The following GRIN2A variants were observed in gnomAD, a reference collection of about 807,000 sequenced individuals.
GRIN2A encodes the protein glutamate ionotropic receptor NMDA type subunit 2A.
In GRIN2A, 22 loss-of-function variants were observed where a neutral mutation model predicts 113.4. That is an observed-to-expected ratio of 0.19 (90% CI 0.14 to 0.28). The LOEUF is 0.28. GRIN2A is among the 10% of genes least tolerant of loss of function. GRIN2A has a pLI of 1.00. For synonymous variants in GRIN2A, 827 were observed against 738.4 expected (o/e 1.12, Z -1.94); for missense variants, 1,502 against 1,887.0 (o/e 0.80, Z 3.78).
intron 4 of GRIN2A, among the ~76,000 whole-genome samples, chr16:9,865,928 T>C (rs2043153522): frequency 6.6e-6 from 1 of 152,226 alleles, no homozygotes; most frequent in African/African-American, 2.4e-5. Context: ...TAAATAAAGC[T>C]TGATTGGAAC....
At chr16:9,840,855 C>T (rs911506207) in intron 6 of GRIN2A, 55 bp from the exon 7 acceptor site, 1 of 1,445,554 alleles carries the variant, frequency 6.9e-7, no homozygotes, top group Non-Finnish European at 9.7e-7. Context: ...AACAACAGTA[C>T]TTTACTTTTC....
rs879885951 is a variant in GRIN2A, at chr16:9,962,590, G to A, written c.415-24039C>T. Among the ~76,000 whole-genome samples, 35 of 151,898 alleles carry A rather than the reference G, an allele frequency of 2.3e-4. 1 individual carries two copies. Among genetic ancestry groups the A allele is most frequent in the Non-Finnish European group, 4.3e-4 (29 of 67,952 alleles). The stretch of plus-strand genomic sequence containing the variant: ...ACCATCTCACACCAGTTAGAATGGC[G>A]ATCATTAAAAAGTCAGGAAACAACA... On this transcript the variant is annotated intron_variant, in intron 2 of 12. Transcript: ENST00000330684.
At chr16:9,854,335 G>A (rs11864044) in intron 4 of GRIN2A, among the ~76,000 whole-genome samples, 514 of 150,852 alleles carry the variant, frequency 3.4e-3, no homozygotes, top group African/African-American at 0.011. Flanking sequence ...ATAGCCTTTG[G>A]GTATTAAATT....
intron 2 of GRIN2A, among the ~76,000 whole-genome samples, chr16:10,035,880 T>C (rs1263646447): frequency 1.3e-5 from 2 of 152,112 alleles, no homozygotes; most frequent in African/African-American, 4.8e-5. Flanking sequence ...CTTGCCACCA[T>C]GCCTGGCTAA....
chr16:10,076,543 A>G (rs1333646950), intron 2 of GRIN2A, among the ~76,000 whole-genome samples: 1 of 152,108 alleles, frequency 6.6e-6, no homozygotes, highest in Non-Finnish European at 1.5e-5. Context: ...CTCCTCATCT[A>G]AGAGATGAGT....
At chr16:9,931,738 C>T (rs1343745785) in intron 3 of GRIN2A, among the ~76,000 whole-genome samples, 4 of 152,138 alleles carry the variant, frequency 2.6e-5, no homozygotes, top group African/African-American at 4.8e-5. Flanking sequence ...TATATGCATG[C>T]AGAGAGAAAG....
At chr16:9,882,043 C>T (rs1387291273) in intron 4 of GRIN2A, among the ~76,000 whole-genome samples, 1 of 151,264 alleles carries the variant, frequency 6.6e-6, no homozygotes, top group African/African-American at 2.5e-5. Context: ...ATATCTCATA[C>T]ACACACACAA....
intron 2 of GRIN2A, among the ~76,000 whole-genome samples, chr16:10,106,557 T>C (rs1051686622): frequency 2.0e-5 from 3 of 152,128 alleles, no homozygotes; most frequent in African/African-American, 7.2e-5. Context: ...CCCTTGAAGA[T>C]AGGGAGCGTG....
chr16:10,120,490 T>G (rs1295917042), intron 2 of GRIN2A, among the ~76,000 whole-genome samples: 1 of 152,190 alleles, frequency 6.6e-6, no homozygotes, highest in African/African-American at 2.4e-5. Context: ...CCAGTGGCCC[T>G]TTTTCTTAGC....
chr16:9,991,952 C>T (rs933577785), intron 2 of GRIN2A, among the ~76,000 whole-genome samples: 5 of 152,028 alleles, frequency 3.3e-5, no homozygotes, highest in East Asian at 1.9e-4. Context: ...CTAATGCATG[C>T]GGGGCTTAAA....
chr16:10,035,339 C>T (rs548454745), intron 2 of GRIN2A, among the ~76,000 whole-genome samples: 5 of 152,268 alleles, frequency 3.3e-5, no homozygotes, highest in African/African-American at 9.6e-5. Flanking sequence ...CCTCACTGCC[C>T]ACCATGTGTC....
At chr16:10,122,344 A>G (rs1175522580) in intron 2 of GRIN2A, among the ~76,000 whole-genome samples, 1 of 152,138 alleles carries the variant, frequency 6.6e-6, no homozygotes, top group Non-Finnish European at 1.5e-5. Flanking sequence ...AATCCAAGTG[A>G]ACTCTCTTTC....
At chr16:10,107,095 G>A (rs759954037) in intron 2 of GRIN2A, among the ~76,000 whole-genome samples, 2 of 152,076 alleles carry the variant, frequency 1.3e-5, no homozygotes, top group African/African-American at 2.4e-5. Context: ...TGAAATGGAG[G>A]GCTAGGATGA....
chr16:9,893,912 G>A (rs8060167), intron 3 of GRIN2A, among the ~76,000 whole-genome samples: 148 of 152,324 alleles, frequency 9.7e-4, no homozygotes, highest in African/African-American at 3.5e-3. Flanking sequence ...CACAGTGTTT[G>A]TCTTCTTTCT....
rs763440308 is a variant in GRIN2A at position 9,763,988 on chromosome 16, G to C, written c.3556C>G (p.Leu1186Val). The change falls in exon 13 of 13, where the codon CTC becomes GTC. Residue 1186 changes from leucine to valine, a missense_variant. This residue lies in a region of GRIN2A where 832 missense variants were observed against 789.7 expected (regional missense o/e 1.05). Transcript: ENST00000330684. ...TTCAAGGTGAAGTGCTTGGAGTAGA[G>C]TTTATACTGGTCGTTGTTGGAAAGC... The part of the protein sequence containing the change: ...EGLSNNDQYK[L>V]YSKHFTLKDK... 1 of 1,614,148 alleles carries C rather than the reference G, an allele frequency of 6.2e-7. No individual in the cohort carries two copies. Among genetic ancestry groups the C allele is most frequent in the South Asian group, 1.1e-5 (1 of 91,080 alleles).
At chr16:10,100,533 T>C (rs537640947) in intron 2 of GRIN2A, among the ~76,000 whole-genome samples, 1 of 152,318 alleles carries the variant, frequency 6.6e-6, no homozygotes, top group East Asian at 1.9e-4. Flanking sequence ...CCCAGTGAAA[T>C]GAGATGGCAT....
intron 2 of GRIN2A, among the ~76,000 whole-genome samples, chr16:10,172,858 T>C (rs978486747): frequency 6.6e-6 from 1 of 152,244 alleles, no homozygotes; most frequent in African/African-American, 2.4e-5. Flanking sequence ...ATTTATGTGA[T>C]GACTTATCAG....
intron 2 of GRIN2A, among the ~76,000 whole-genome samples, chr16:10,097,408 A>G (rs1377099223): frequency 6.6e-6 from 1 of 152,192 alleles, no homozygotes; most frequent in Non-Finnish European, 1.5e-5. Flanking sequence ...CACCCTACAT[A>G]TATCATTTTG....
chr16:9,862,329 TC>T (rs1425973270), intron 4 of GRIN2A, among the ~76,000 whole-genome samples: 3 of 152,200 alleles, frequency 2.0e-5, no homozygotes, highest in African/African-American at 7.2e-5. Context: ...AGATTTTTTT[TC>T]CTCTCGTAAT....
Sources: gnomAD v4.1 joint callset for allele counts (sites outside exome capture counted in the v4.1 genomes callset) on GRCh38, gnomAD v4.1.1 for gene constraint, gnomAD v4.1.1 regional missense constraint, MANE v1.5 for transcripts, NCBI Gene and HGNC (gene_info 2026-07-23, HGNC 2026-07-21) for gene names.